ELMO1: variants seen among roughly 807,000 people sequenced by gnomAD.
ELMO1 encodes engulfment and cell motility 1.
Under a neutral mutation model 98.9 loss-of-function variants are expected in ELMO1, and 26 were observed. The observed-to-expected ratio is 0.26, with a 90% confidence interval of 0.19 to 0.36. The LOEUF (loss-of-function observed/expected upper bound fraction) is 0.36, where lower values mean the gene tolerates loss of function less well. Among genes scored for constraint, ELMO1 ranks in the 10% least tolerant of loss-of-function variants. The probability of loss-of-function intolerance (pLI) is 1.00; values close to 1 mark genes in which losing one functional copy is unlikely to be tolerated. For missense variants in ELMO1, 627 were observed against 935.2 expected, an observed-to-expected ratio of 0.67 and a Z score of 4.30; for synonymous variants, 346 against 346.0, an observed-to-expected ratio of 1.00 and a Z score of 0.00.
intron 3 of ELMO1, 31 bp from the exon 4 acceptor site, chr7:37,314,953 A>G (rs753778352): frequency 6.3e-7 from 1 of 1,590,176 alleles, no homozygotes; most frequent in Non-Finnish European, 8.6e-7. Flanking sequence ...CTGATTAGAA[A>G]AATGAAAGTG....
rs117162192 is a variant in ELMO1, at chr7:37,399,435, C to G, written c.-74+49240G>C. Among the ~76,000 whole-genome samples, 29 of 152,298 alleles carry G rather than the reference C, an allele frequency of 1.9e-4. No individual in the cohort carries two copies. In the East Asian group the frequency reaches 5.6e-3, roughly 29 times the overall value. On this transcript the variant is annotated intron_variant, in intron 1 of 21. Coordinates refer to ENST00000310758, the MANE Select transcript of ELMO1 (RefSeq NM_014800.11). ...GGCATAAACCCACTCTCAGGAAGCC[C>G]TGGGCATAGCCACCTTGCACCAGGC...
chr7:37,119,252 G>T (rs181544222), intron 14 of ELMO1, among the ~76,000 whole-genome samples: 9 of 152,308 alleles, frequency 5.9e-5, no homozygotes, highest in African/African-American at 1.9e-4. Flanking sequence ...TTGAGGAGAA[G>T]AACAGAGAGA....
At chr7:36,976,922 G>A (rs1790601716) in intron 16 of ELMO1, among the ~76,000 whole-genome samples, 1 of 152,226 alleles carries the variant, frequency 6.6e-6, no homozygotes, top group Non-Finnish European at 1.5e-5. Context: ...TCTACCTACA[G>A]TTGGTGTTGA....
intron 1 of ELMO1, among the ~76,000 whole-genome samples, chr7:37,355,928 C>A (rs1275501753): frequency 6.6e-6 from 1 of 152,198 alleles, no homozygotes; most frequent in Non-Finnish European, 1.5e-5. Flanking sequence ...GTTCTTCCAG[C>A]CTTGCAGAGT....
intron 4 of ELMO1, among the ~76,000 whole-genome samples, chr7:37,283,395 A>G (rs924116529): frequency 6.6e-6 from 1 of 152,270 alleles, no homozygotes; most frequent in Non-Finnish European, 1.5e-5. Flanking sequence ...GATAGGAGCC[A>G]GCACATACCT....
chr7:37,388,984 T>C (rs1018421804), intron 1 of ELMO1, among the ~76,000 whole-genome samples: 4 of 152,214 alleles, frequency 2.6e-5, no homozygotes, highest in Admixed American at 2.0e-4. Flanking sequence ...GAAGCAGAAC[T>C]TCCTCAGACA....
intron 19 of ELMO1, among the ~76,000 whole-genome samples, chr7:36,874,441 A>C (rs1210482768): frequency 6.6e-6 from 1 of 152,262 alleles, no homozygotes; most frequent in Non-Finnish European, 1.5e-5. Flanking sequence ...GTTGAGAATA[A>C]TTTATGTAAA....
intron 1 of ELMO1, among the ~76,000 whole-genome samples, chr7:37,382,849 CTAA>C (rs2131390996): frequency 6.6e-6 from 1 of 152,132 alleles, no homozygotes; most frequent in South Asian, 2.1e-4. Context: ...GCTGCATGTA[CTAA>C]TAAACTTCTG....
At chr7:36,889,192 TTC>T (rs1805329005) in intron 17 of ELMO1, among the ~76,000 whole-genome samples, 1 of 152,210 alleles carries the variant, frequency 6.6e-6, no homozygotes, top group South Asian at 2.1e-4. Flanking sequence ...CCCTCAAACA[TTC>T]TCTCATTTGA....
chr7:37,243,609 A>G (rs1252198533), intron 7 of ELMO1, among the ~76,000 whole-genome samples: 1 of 152,214 alleles, frequency 6.6e-6, no homozygotes, highest in Non-Finnish European at 1.5e-5. Flanking sequence ...CCAGCATAAT[A>G]CTATAGTACA....
rs549141649 is a variant in ELMO1 at position 37,080,268 on chromosome 7, C to A, written c.1300+16351G>T. ...AGTGGGGTATATTAACTTGCTCTCC[C>A]ACAGTCTAATCTCAATACATGAGCC... On this transcript the variant is annotated intron_variant, in intron 15 of 21. Coordinates refer to ENST00000310758, the MANE Select transcript of ELMO1 (RefSeq NM_014800.11). Among the ~76,000 whole-genome samples the A allele has an allele frequency of 2.0e-5, 3 of 152,288 alleles. No homozygotes were observed. In the East Asian group the frequency reaches 5.8e-4, roughly 29 times the overall value.
intron 1 of ELMO1, among the ~76,000 whole-genome samples, chr7:37,367,584 TG>T (rs1209487615): frequency 6.6e-6 from 1 of 152,184 alleles, no homozygotes; most frequent in South Asian, 2.1e-4. Flanking sequence ...ATTCACTAAG[TG>T]TGTGACATGG....
chr7:37,005,561 G>A (rs141822035), intron 16 of ELMO1, among the ~76,000 whole-genome samples: 12 of 151,892 alleles, frequency 7.9e-5, no homozygotes, highest in African/African-American at 2.2e-4. Context: ...GCCTCGTGGC[G>A]GGCGCCTGTA....
chr7:37,050,259 A>G (rs1168228622), intron 15 of ELMO1, among the ~76,000 whole-genome samples: 1 of 151,992 alleles, frequency 6.6e-6, no homozygotes, highest in Non-Finnish European at 1.5e-5. Context: ...TTTCTAGTAG[A>G]GATGGGGTTT....
intron 4 of ELMO1, among the ~76,000 whole-genome samples, chr7:37,311,714 G>A (rs1050940060): frequency 1.3e-5 from 2 of 152,168 alleles, no homozygotes; most frequent in African/African-American, 4.8e-5. Context: ...AGTGACAGCT[G>A]CATGAGGAAG....
At chr7:37,145,445 T>G (rs953343820) in intron 13 of ELMO1, among the ~76,000 whole-genome samples, 8 of 152,234 alleles carry the variant, frequency 5.3e-5, no homozygotes, top group African/African-American at 1.9e-4. Flanking sequence ...GAAACAGGAA[T>G]TATAATTTAG....
At chr7:36,971,142 T>C (rs1404043172) in intron 16 of ELMO1, among the ~76,000 whole-genome samples, 1 of 152,236 alleles carries the variant, frequency 6.6e-6, no homozygotes, top group Non-Finnish European at 1.5e-5. Context: ...AAGTCTTCTT[T>C]AGCAAAGAAC....
Position 37,118,086 on chromosome 7 carries a change from A to G in ELMO1, c.1191+15044T>C, listed in dbSNP as rs192945219. Among the ~76,000 whole-genome samples, 38 of 152,306 alleles carry G rather than the reference A, an allele frequency of 2.5e-4. No homozygotes were observed. The East Asian group carries it at 3.5e-3, about 14-fold the overall frequency. On this transcript the variant is annotated intron_variant, in intron 14 of 21. Coordinates refer to ENST00000310758, the MANE Select transcript of ELMO1 (RefSeq NM_014800.11). The stretch of plus-strand genomic sequence containing the variant: ...ATCATTTGCTTCATAGTTAAGTTTA[A>G]TTGCACATTACACACTGTCCTGTAA...
chr7:37,402,342 G>C (rs1056874499), intron 1 of ELMO1, among the ~76,000 whole-genome samples: 1 of 152,186 alleles, frequency 6.6e-6, no homozygotes, highest in Non-Finnish European at 1.5e-5. Flanking sequence ...TATGCAGCTA[G>C]AGTGACGACA....
Sources: allele counts gnomAD v4.1 joint callset (sites outside exome capture counted in the v4.1 genomes callset), GRCh38; gene constraint gnomAD v4.1.1; transcripts MANE v1.5; gene names NCBI Gene and HGNC (gene_info 2026-07-23, HGNC 2026-07-21).